Variants in VAV2 observed in about 807,000 individuals in gnomAD.
VAV2 encodes vav guanine nucleotide exchange factor 2, also known as guanine nucleotide exchange factor VAV2.
VAV2 carries 67 observed loss-of-function variants against 132.5 expected under a neutral mutation model. The ratio of observed to expected loss-of-function variants is 0.51; its 90% CI spans 0.42 to 0.62. The LOEUF is 0.62. Ranked by LOEUF, VAV2 falls within the 20% of genes least tolerant of loss-of-function variation. The probability of loss-of-function intolerance (pLI) is 0.00; values close to 1 mark genes in which losing one functional copy is unlikely to be tolerated. For missense variants in VAV2, 938 were observed against 1,153.6 expected, an observed-to-expected ratio of 0.81 and a Z score of 2.71; for synonymous variants, 492 against 443.5, an observed-to-expected ratio of 1.11 and a Z score of -1.37.
intron 2 of VAV2, among the ~76,000 whole-genome samples, chr9:133,910,483 T>C (rs1304646283): frequency 6.6e-6 from 1 of 151,910 alleles, no homozygotes; most frequent in Non-Finnish European, 1.5e-5. Flanking sequence ...CAAGGTTCAG[T>C]GAGTCACTTC....
chr9:133,906,487 G>C (rs1255825821), intron 2 of VAV2, among the ~76,000 whole-genome samples: 1 of 152,214 alleles, frequency 6.6e-6, no homozygotes, highest in Non-Finnish European at 1.5e-5. Flanking sequence ...AGGCTGCAGA[G>C]AGCCAGCCAG....
intron 2 of VAV2, among the ~76,000 whole-genome samples, chr9:133,906,537 G>A (rs1288373568): frequency 6.6e-6 from 1 of 152,232 alleles, no homozygotes; most frequent in Non-Finnish European, 1.5e-5. Flanking sequence ...GGGAGCCACT[G>A]GGCCCGATCA....
intron 1 of VAV2, among the ~76,000 whole-genome samples, chr9:133,940,666 C>T (rs1325384655): frequency 1.2e-5 from 1 of 82,764 alleles, no homozygotes; most frequent in East Asian, 4.1e-4. Context: ...CCTCTCTGTC[C>T]ACGTGCGTGT....
Position 133,776,044 on chromosome 9 carries a change from A to G in VAV2, c.2002T>C (p.Tyr668His). Residue 668 changes from tyrosine (Y) to histidine (H), a missense_variant, in exon 24 of 30, where the codon TAC becomes CAC. By Grantham distance (83) the Tyr-to-His change is moderately conservative. Coordinates refer to ENST00000371850, the MANE Select transcript of VAV2 (RefSeq NM_001134398.2). The part of the protein sequence containing the change: ...ISRPPSREID[Y>H]TAYPWFAGNM... ...TCCACTCACCAGGGGTATGCAGTGT[A>G]GTCGATCTCCCGGGATGGCGGCCGG... The G allele has an allele frequency of 6.2e-7, 1 of 1,613,110 alleles. No individual in the cohort carries two copies. The highest frequency in any genetic ancestry group is 8.5e-7 in the Non-Finnish European group (1 of 1,179,668).
chr9:133,793,749 G>A (rs1332247099), intron 12 of VAV2, among the ~76,000 whole-genome samples: 1 of 151,996 alleles, frequency 6.6e-6, no homozygotes, highest in East Asian at 1.9e-4. Context: ...ACCTAAAACC[G>A]CAATTCCCTT....
chr9:133,879,029 T>TC lies in VAV2; in HGVS notation c.322-17598dup, dbSNP rs1218846661. Among the ~76,000 whole-genome samples, 3 of 151,990 alleles carry TC rather than the reference T, an allele frequency of 2.0e-5. No individual in the cohort carries two copies. The highest frequency in any genetic ancestry group is 4.8e-5 in the African/African-American group (2 of 41,352). On this transcript the variant is annotated intron_variant, in intron 2 of 29. Transcript: ENST00000371850. This position sits in a 1 kb window ranked among gnomAD's most constrained non-coding sequence, Gnocchi z 4.4. ...GGGGCAGGGAGGTGTCTCCTCAGGA[T>TC]CCCCCCGTTCCCCAGGCATCATCCG...
intron 1 of VAV2, among the ~76,000 whole-genome samples, chr9:133,948,071 G>C (rs957945099): frequency 2.0e-5 from 3 of 152,142 alleles, no homozygotes; most frequent in Non-Finnish European, 4.4e-5. Context: ...GATTACAGGT[G>C]TGAGCCACTA....
intron 22 of VAV2, 133 bp from the exon 23 acceptor site, chr9:133,777,596 C>G: frequency 1.2e-6 from 1 of 849,260 alleles, no homozygotes; most frequent in Middle Eastern, 2.8e-4. Context: ...TCTTTCCCAA[C>G]CTCAGCTGAC....
chr9:133,770,929 T>C (rs1365496438), intron 26 of VAV2, among the ~76,000 whole-genome samples: 1 of 152,136 alleles, frequency 6.6e-6, no homozygotes, highest in East Asian at 1.9e-4. Flanking sequence ...AGCTGGGGCA[T>C]TGCCAGCATT....
At chr9:133,990,046 C>T (rs1051200296) in intron 1 of VAV2, among the ~76,000 whole-genome samples, 10 of 152,196 alleles carry the variant, frequency 6.6e-5, no homozygotes, top group South Asian at 2.1e-4. Context: ...AGCATGGCTA[C>T]GAGGGGACTG....
chr9:133,841,426 G>A (rs1350680679), intron 3 of VAV2, among the ~76,000 whole-genome samples: 1 of 152,000 alleles, frequency 6.6e-6, no homozygotes, highest in South Asian at 2.1e-4. Context: ...GGCCACTCCT[G>A]CAGCCCTGGA....
chr9:133,783,877 GTTTTTTTT>G (rs56069048), intron 18 of VAV2, among the ~76,000 whole-genome samples: 1 of 85,162 alleles, frequency 1.2e-5, no homozygotes, highest in African/African-American at 4.5e-5. Flanking sequence ...TGGCTGGGCC[GTTTTTTTT>G]TTTTTTTTTT....
At chr9:133,842,439 C>T (rs557760795) in intron 3 of VAV2, among the ~76,000 whole-genome samples, 12 of 152,242 alleles carry the variant, frequency 7.9e-5, no homozygotes, top group Non-Finnish European at 1.0e-4. Flanking sequence ...CCTAAGGGAG[C>T]GCCCTCGGCC....
intron 3 of VAV2, among the ~76,000 whole-genome samples, chr9:133,846,817 G>A (rs757069564): frequency 6.6e-5 from 10 of 152,250 alleles, no homozygotes; most frequent in Admixed American, 1.3e-4. Flanking sequence ...ACTGGCCGAC[G>A]GGCGGCAGGG....
intron 3 of VAV2, among the ~76,000 whole-genome samples, chr9:133,845,734 C>G (rs960542317): frequency 3.3e-5 from 5 of 152,256 alleles, no homozygotes; most frequent in Admixed American, 2.0e-4. Context: ...CATCACTAGT[C>G]AATCACAGTA....
intron 2 of VAV2, among the ~76,000 whole-genome samples, chr9:133,874,018 G>A (rs1040992690): frequency 4.6e-5 from 7 of 152,188 alleles, no homozygotes; most frequent in Admixed American, 2.0e-4. Context: ...AACCCCCCAC[G>A]AGATGGTTCT....
Position 133,788,627 on chromosome 9 carries a change from A to G in VAV2, c.1275-141T>C. 1 of 1,223,596 alleles carries G rather than the reference A, an allele frequency of 8.2e-7. No individual in the cohort carries two copies. Among genetic ancestry groups the G allele is most frequent in the Non-Finnish European group, 1.1e-6 (1 of 893,714 alleles). The allele number at this position is 1,223,596 out of a possible 1,614,324, so 75.8% of individuals were successfully genotyped here. On this transcript the variant is annotated intron_variant, in intron 14 of 29. Coordinates refer to ENST00000371850, the MANE Select transcript of VAV2 (RefSeq NM_001134398.2). This position sits in a 1 kb window ranked among gnomAD's most constrained non-coding sequence, Gnocchi z 5.3. The stretch of plus-strand genomic sequence containing the variant: ...CTGCCCTCACCTGGCTCACCAGGCT[A>G]ATGCTGAGCCTCGGTCAGGTCTCGG...
intron 2 of VAV2, among the ~76,000 whole-genome samples, chr9:133,905,697 G>C (rs1007743340): frequency 1.3e-5 from 2 of 152,062 alleles, no homozygotes; most frequent in Admixed American, 1.3e-4. Context: ...CCAGCCCTGG[G>C]GGGTAGCCAC....
intron 2 of VAV2, among the ~76,000 whole-genome samples, chr9:133,861,792 G>A (rs1012965748): frequency 1.3e-5 from 2 of 152,158 alleles, no homozygotes; most frequent in African/African-American, 4.8e-5. Context: ...CTGCTGTTCT[G>A]CAAGGTACCA....
Sources: gnomAD v4.1 joint callset for allele counts (sites outside exome capture counted in the v4.1 genomes callset) on GRCh38, gnomAD v4.1.1 for gene constraint, Gnocchi (gnomAD v3.1) non-coding constraint, MANE v1.5 for transcripts, NCBI Gene and HGNC (gene_info 2026-07-23, HGNC 2026-07-21) for gene names.